GSTCD: variants seen among roughly 807,000 people sequenced by gnomAD.
The protein encoded by GSTCD is glutathione S-transferase C-terminal domain containing.
A neutral mutation model predicts 68.3 loss-of-function variants in GSTCD; 44 were observed. The observed-to-expected ratio is 0.64, with a 90% confidence interval of 0.51 to 0.83. GSTCD has a LOEUF of 0.83. GSTCD is among the 40% of genes least tolerant of loss of function. The probability of loss-of-function intolerance (pLI) is 0.00; values close to 1 mark genes in which losing one functional copy is unlikely to be tolerated. For synonymous variants in GSTCD, 273 were observed against 255.2 expected (o/e 1.07, Z -0.67); for missense variants, 739 against 735.9 (o/e 1.00, Z -0.05).
At chr4:105,722,733 A>G (rs1373659446) in intron 3 of GSTCD, among the ~76,000 whole-genome samples, 2 of 151,532 alleles carry the variant, frequency 1.3e-5, no homozygotes, top group Non-Finnish European at 3.0e-5. Context: ...TTTGATAGCT[A>G]TGCTTTTTTT....
rs1724584383 is a variant in GSTCD, at chr4:105,847,251, T to C, written c.*1674T>C. The C allele has an allele frequency of 1.3e-5, 2 of 151,934 alleles. No homozygotes were observed. Among genetic ancestry groups the C allele is most frequent in the East Asian group, 1.9e-4 (1 of 5,186 alleles). The allele number at this position is 151,934 out of a possible 1,614,324, so 9.4% of individuals were successfully genotyped here. A position where few individuals can be genotyped will look rare whatever the true frequency, so the allele number is the denominator to read the frequency against. On this transcript the variant is annotated 3_prime_UTR_variant, in exon 12 of 12. Coordinates refer to ENST00000515279, the MANE Select transcript of GSTCD (RefSeq NM_001370181.1). ...GTATCATGAGGAGAAAGCACTATCA[T>C]TGATCATCACTATGGATTAAAATAT...
chr4:105,778,857 T>C (rs1271031621), intron 5 of GSTCD, among the ~76,000 whole-genome samples: 1 of 152,172 alleles, frequency 6.6e-6, no homozygotes, highest in Non-Finnish European at 1.5e-5. Flanking sequence ...GATTCCTCAA[T>C]GTTAACATTT....
chr4:105,746,955 T>A (rs1377785000), intron 5 of GSTCD, among the ~76,000 whole-genome samples: 4 of 152,194 alleles, frequency 2.6e-5, no homozygotes, highest in African/African-American at 4.8e-5. Flanking sequence ...GCACCCCTTC[T>A]TTCTTCTCCC....
intron 5 of GSTCD, among the ~76,000 whole-genome samples, chr4:105,814,367 C>A (rs1722883349): frequency 6.6e-6 from 1 of 152,134 alleles, no homozygotes; most frequent in African/African-American, 2.4e-5. Flanking sequence ...AATCCCAGCA[C>A]TTTGGGAGGC....
At chr4:105,759,560 T>A (rs1734322859) in intron 5 of GSTCD, among the ~76,000 whole-genome samples, 1 of 152,132 alleles carries the variant, frequency 6.6e-6, no homozygotes, top group Non-Finnish European at 1.5e-5. Flanking sequence ...ACTGTTCATG[T>A]TTGTAACTTT....
rs1724541357 is a variant in GSTCD, at chr4:105,846,276, AGGAAGT to A, written c.*700_*705del. 6.6e-6 allele frequency: 1 copy of A among 152,120 alleles called. No homozygotes were observed. The highest frequency in any genetic ancestry group is 1.5e-5 in the Non-Finnish European group (1 of 68,024). 9.4% of individuals were successfully genotyped at this position (152,120 alleles called of 1,614,324 possible). ...TGAGGTGGGAGGATCACTTGAGCCCAGGAAGTCAAGGCTGCAGTGAGCCTTGATAGC... is the reference window on the plus strand; with the variant it reads ...TGAGGTGGGAGGATCACTTGAGCCCACAAGGCTGCAGTGAGCCTTGATAGC... On this transcript the variant is annotated 3_prime_UTR_variant, in exon 12 of 12. Transcript: ENST00000515279.
intron 1 of GSTCD, among the ~76,000 whole-genome samples, chr4:105,711,849 T>G (rs2149200942): frequency 6.6e-6 from 1 of 152,340 alleles, no homozygotes; most frequent in Non-Finnish European, 1.5e-5. Flanking sequence ...GTTAAGATTC[T>G]TAGTTCCTTT....
chr4:105,735,476 G>A (rs771369889), intron 5 of GSTCD, among the ~76,000 whole-genome samples: 1 of 152,226 alleles, frequency 6.6e-6, no homozygotes, highest in Non-Finnish European at 1.5e-5. Flanking sequence ...ATCTGAGCCA[G>A]GCACGGGATA....
chr4:105,726,352 C>T lies in GSTCD; in HGVS notation c.895-227C>T, dbSNP rs183883697. 4.0e-3 allele frequency among the ~76,000 whole-genome samples: 608 copies of T among 152,258 alleles called. 5 individuals carry two copies. Among genetic ancestry groups the T allele is most frequent in the African/African-American group, 0.014 (572 of 41,564 alleles). On this transcript the variant is annotated intron_variant, in intron 3 of 11. Coordinates refer to ENST00000515279, the MANE Select transcript of GSTCD (RefSeq NM_001370181.1). ...CAGAAAGCCGATCAGTGGTTGTCTG[C>T]AACTGACTGTGGTAGCAGAGATTGA...
chr4:105,713,666 A>G (rs1474247637), intron 1 of GSTCD, among the ~76,000 whole-genome samples: 3 of 152,180 alleles, frequency 2.0e-5, no homozygotes, highest in Non-Finnish European at 1.5e-5. Context: ...AGCACATAGT[A>G]GGTGGACAAT....
intron 5 of GSTCD, among the ~76,000 whole-genome samples, chr4:105,731,936 A>G (rs1733257648): frequency 6.6e-6 from 1 of 152,202 alleles, no homozygotes; most frequent in Non-Finnish European, 1.5e-5. Context: ...CCTTTTCTGC[A>G]TCTATTGAGA....
At chr4:105,783,829 A>G (rs1440230479) in intron 5 of GSTCD, among the ~76,000 whole-genome samples, 2 of 152,178 alleles carry the variant, frequency 1.3e-5, no homozygotes, top group Admixed American at 1.3e-4. Context: ...AAGTTTCCTT[A>G]GTTTCCTTTA....
At chr4:105,777,463 T>G (rs552326427) in intron 5 of GSTCD, among the ~76,000 whole-genome samples, 2 of 152,366 alleles carry the variant, frequency 1.3e-5, no homozygotes, top group African/African-American at 4.8e-5. Context: ...TCTATTTATC[T>G]TTCAATATGC....
In GSTCD at chr4:105,777,931, T is replaced by C. The variant is rs144354787; in HGVS notation, c.1241-45023T>C. 1.3e-3 allele frequency among the ~76,000 whole-genome samples: 198 copies of C among 152,294 alleles called. 2 individuals carry two copies. The highest frequency in any genetic ancestry group is 4.6e-3 in the African/African-American group (192 of 41,566). On this transcript the variant is annotated intron_variant, in intron 5 of 11. Coordinates refer to ENST00000515279, the MANE Select transcript of GSTCD (RefSeq NM_001370181.1). ...GAACTCTTACAAATCACTCAGTGTT[T>C]TGGATGTAGCAAGTGTTTAATACAT...
At chr4:105,826,109 T>A (rs1723592322) in intron 8 of GSTCD, 1 of 154,566 alleles carries the variant, frequency 6.5e-6, no homozygotes, top group Non-Finnish European at 1.4e-5. Flanking sequence ...GAACATGACT[T>A]GCCTTGGTTT....
At chr4:105,796,824 G>GTTAC (rs1428795823) in intron 5 of GSTCD, among the ~76,000 whole-genome samples, 15 of 152,138 alleles carry the variant, frequency 9.9e-5, no homozygotes, top group Non-Finnish European at 1.9e-4. Context: ...TTTTGGAAAT[G>GTTAC]GGTAAGAGGA....
intron 7 of GSTCD, among the ~76,000 whole-genome samples, chr4:105,824,559 A>G (rs542785324): frequency 1.3e-5 from 2 of 152,164 alleles, no homozygotes; most frequent in Non-Finnish European, 2.9e-5. Flanking sequence ...ACTAGGAATG[A>G]TAGTGATGAA....
intron 10 of GSTCD, 103 bp from the exon 11 acceptor site, chr4:105,841,962 A>G: frequency 1.3e-6 from 1 of 779,538 alleles, no homozygotes. Flanking sequence ...CAGTTAAACA[A>G]TGTTGAACTC....
chr4:105,809,088 T>C (rs1722649022), intron 5 of GSTCD, among the ~76,000 whole-genome samples: 1 of 152,128 alleles, frequency 6.6e-6, no homozygotes, highest in African/African-American at 2.4e-5. Flanking sequence ...AAAACTCATA[T>C]GCTGAGATTG....
Sources: allele counts gnomAD v4.1 joint callset (sites outside exome capture counted in the v4.1 genomes callset), GRCh38; gene constraint gnomAD v4.1.1; transcripts MANE v1.5; gene names NCBI Gene and HGNC (gene_info 2026-07-23, HGNC 2026-07-21).